NR3C2: variants seen among roughly 807,000 people sequenced by gnomAD.
NR3C2 encodes nuclear receptor subfamily 3 group C member 2.
NR3C2 carries 15 observed loss-of-function variants against 86.4 expected under a neutral mutation model. The observed-to-expected ratio is 0.17, with a 90% confidence interval of 0.12 to 0.27. The LOEUF is 0.27. Ranked by LOEUF, NR3C2 falls within the 10% of genes least tolerant of loss-of-function variation. The pLI, the probability that NR3C2 is intolerant of heterozygous loss-of-function variation, is 1.00. For synonymous variants in NR3C2, 458 were observed against 450.5 expected (o/e 1.02, Z -0.21); for missense variants, 960 against 1,195.6 (o/e 0.80, Z 2.91).
intron 2 of NR3C2, among the ~76,000 whole-genome samples, chr4:148,343,979 G>A (rs1744872272): frequency 6.6e-6 from 1 of 152,118 alleles, no homozygotes; most frequent in Non-Finnish European, 1.5e-5. Context: ...ACTAATGTTG[G>A]TGACAATTCC....
At position 148,079,749 on chromosome 4, in the gene NR3C2, T is replaced by C. The variant is rs1050547246; in HGVS notation, c.*1595A>G. The C allele has an allele frequency of 2.0e-5, 3 of 152,618 alleles. No individual in the cohort carries two copies. Among genetic ancestry groups the C allele is most frequent in the East Asian group, 1.9e-4 (1 of 5,190 alleles). 9.5% of individuals were successfully genotyped at this position (152,618 alleles called of 1,614,324 possible). The stretch of plus-strand genomic sequence containing the variant: ...ATCTGTAATTTTTCTCCAAAACTGT[T>C]TATGTATAAAACTTATTTTTAAAAC... On this transcript the variant is annotated 3_prime_UTR_variant, in exon 9 of 9. Transcript: ENST00000358102.
At chr4:148,202,968 A>G (rs904210236) in intron 3 of NR3C2, among the ~76,000 whole-genome samples, 1 of 152,188 alleles carries the variant, frequency 6.6e-6, no homozygotes, top group Non-Finnish European at 1.5e-5. Context: ...TCTTGAACAA[A>G]TTTCACCACT....
chr4:148,245,064 G>A (rs1279627778), intron 3 of NR3C2, among the ~76,000 whole-genome samples: 1 of 152,120 alleles, frequency 6.6e-6, no homozygotes, highest in East Asian at 1.9e-4. Flanking sequence ...GTGCTTGGAG[G>A]AGCCGGGTAG....
chr4:148,140,425 T>C (rs553462515), intron 6 of NR3C2, among the ~76,000 whole-genome samples: 78 of 152,204 alleles, frequency 5.1e-4, no homozygotes, highest in African/African-American at 1.9e-3. Flanking sequence ...TTCCAGCTAC[T>C]TGAGAGGTTG....
intron 2 of NR3C2, among the ~76,000 whole-genome samples, chr4:148,365,588 G>A (rs10434130): frequency 0.23 from 35,317 of 152,040 alleles, 4,285 homozygotes; most frequent in Middle Eastern, 0.45. Context: ...ATTTTAAAAT[G>A]TGATACAGTA....
At chr4:148,199,362 T>C (rs758449558) in intron 3 of NR3C2, among the ~76,000 whole-genome samples, 1 of 152,184 alleles carries the variant, frequency 6.6e-6, no homozygotes, top group Non-Finnish European at 1.5e-5. Flanking sequence ...GACTGTCCTA[T>C]CTGCAACTCA....
intron 4 of NR3C2, among the ~76,000 whole-genome samples, chr4:148,168,403 A>G (rs1301946292): frequency 6.6e-6 from 1 of 152,182 alleles, no homozygotes; most frequent in East Asian, 1.9e-4. Context: ...AATTTAATCT[A>G]TTTTAGATGA....
chr4:148,444,105 G>A (rs745994522), upstream of NR3C2: 1 of 985,438 alleles, frequency 1.0e-6, no homozygotes, highest in Non-Finnish European at 1.2e-6. Flanking sequence ...TCGATCTCAC[G>A]TCGGCAGAGC....
At chr4:148,144,663 T>C (rs1733781066) in intron 6 of NR3C2, among the ~76,000 whole-genome samples, 1 of 152,230 alleles carries the variant, frequency 6.6e-6, no homozygotes, top group Non-Finnish European at 1.5e-5. Context: ...ATGACCGTTC[T>C]TGTTTCTAGC....
intron 8 of NR3C2, among the ~76,000 whole-genome samples, chr4:148,109,682 GCTGGCACA>G (rs1262066444): frequency 6.6e-6 from 1 of 152,146 alleles, no homozygotes; most frequent in Non-Finnish European, 1.5e-5. Flanking sequence ...TGTCCTGAGG[GCTGGCACA>G]CTATGCACAC....
chr4:148,226,341 TCTTGAA>T (rs1300916790), intron 3 of NR3C2, among the ~76,000 whole-genome samples: 2 of 152,190 alleles, frequency 1.3e-5, no homozygotes, highest in African/African-American at 4.8e-5. Context: ...TTTTGCCTTT[TCTTGAA>T]CTTGATGTAA....
intron 4 of NR3C2, among the ~76,000 whole-genome samples, chr4:148,160,893 T>G (rs1578956371): frequency 6.6e-6 from 1 of 152,178 alleles, no homozygotes; most frequent in Non-Finnish European, 1.5e-5. Flanking sequence ...CTCATCTCTT[T>G]ATCTGCATGA....
chr4:148,187,668 T>G (rs1735993204), intron 4 of NR3C2, among the ~76,000 whole-genome samples: 1 of 152,198 alleles, frequency 6.6e-6, no homozygotes, highest in Non-Finnish European at 1.5e-5. Flanking sequence ...CTGACTCTCT[T>G]GTCTGTTTAC....
intron 3 of NR3C2, among the ~76,000 whole-genome samples, chr4:148,219,839 C>T (rs559698853): frequency 6.6e-6 from 1 of 152,140 alleles, no homozygotes; most frequent in African/African-American, 2.4e-5. Context: ...AATTAACATA[C>T]ATTTTTAAAA....
chr4:148,157,606 A>G (rs1293430864), intron 4 of NR3C2, among the ~76,000 whole-genome samples: 3 of 152,096 alleles, frequency 2.0e-5, no homozygotes, highest in Non-Finnish European at 2.9e-5. Flanking sequence ...AATTGGGAAG[A>G]CAGATGAATG....
chr4:148,097,714 T>C (rs1447927916), intron 8 of NR3C2, among the ~76,000 whole-genome samples: 1 of 151,014 alleles, frequency 6.6e-6, no homozygotes, highest in Non-Finnish European at 1.5e-5. Context: ...TCATAAACTT[T>C]CTTAAAACAT....
At chr4:148,149,158 C>A (rs1028799984) in intron 6 of NR3C2, among the ~76,000 whole-genome samples, 1 of 152,168 alleles carries the variant, frequency 6.6e-6, no homozygotes, top group Non-Finnish European at 1.5e-5. Flanking sequence ...GAGAAAGAAA[C>A]CCTACAGAAG....
intron 4 of NR3C2, among the ~76,000 whole-genome samples, chr4:148,193,657 T>C (rs1024961689): frequency 1.1e-4 from 17 of 152,364 alleles, no homozygotes; most frequent in African/African-American, 4.1e-4. Context: ...TTTTTATCTT[T>C]TAAACCAAAT....
chr4:148,442,781 T>C (rs1031321462), upstream of NR3C2: 6 of 985,260 alleles, frequency 6.1e-6, 1 homozygote, highest in South Asian at 1.9e-4. Flanking sequence ...TCAGGCGGCC[T>C]CCGCACGCTG....
Sources: gnomAD v4.1 joint callset for allele counts (sites outside exome capture counted in the v4.1 genomes callset) on GRCh38, gnomAD v4.1.1 for gene constraint, MANE v1.5 for transcripts, NCBI Gene and HGNC (gene_info 2026-07-23, HGNC 2026-07-21) for gene names.